Variants in CCR3 observed in about 807,000 individuals in gnomAD.
CCR3 encodes the protein C-C chemokine receptor type 3.
For missense variants in CCR3, 419 were observed against 437.5 expected (o/e 0.96, Z 0.38); for synonymous variants, 203 against 179.2 (o/e 1.13, Z -1.06).
At chr3:46,226,973 G>A (rs1323309580) in intron 2 of CCR3, among the ~76,000 whole-genome samples, 2 of 152,058 alleles carry the variant, frequency 1.3e-5, no homozygotes, top group African/African-American at 4.8e-5. Context: ...CCAGGTTCAA[G>A]CGATTCTCAT....
At chr3:46,234,474 T>C (rs1409059880) in intron 2 of CCR3, among the ~76,000 whole-genome samples, 2 of 152,282 alleles carry the variant, frequency 1.3e-5, no homozygotes, top group South Asian at 2.1e-4. Flanking sequence ...CAGAGTCCAC[T>C]TGGGCTCCAG....
At chr3:46,240,667 A>G (rs955067479), upstream of CCR3, among the ~76,000 whole-genome samples, 6 of 152,218 alleles carry the variant, frequency 3.9e-5, no homozygotes, top group African/African-American at 9.6e-5. Context: ...AGGGTCTGTC[A>G]TGACAACTAT....
At chr3:46,252,499 A>G (rs1432577000) in intron 1 of CCR3, among the ~76,000 whole-genome samples, 1 of 152,178 alleles carries the variant, frequency 6.6e-6, no homozygotes, top group East Asian at 1.9e-4. Context: ...CTTATCAGAC[A>G]GCACAGATAC....
intron 1 of CCR3, among the ~76,000 whole-genome samples, chr3:46,250,684 A>T (rs961360507): frequency 1.3e-5 from 2 of 152,070 alleles, no homozygotes; most frequent in African/African-American, 4.8e-5. Flanking sequence ...GTGTAAGTTG[A>T]GGTTTTAAGT....
intron 2 of CCR3, among the ~76,000 whole-genome samples, chr3:46,236,270 A>G (rs1389014402): frequency 6.6e-6 from 1 of 152,210 alleles, no homozygotes; most frequent in Non-Finnish European, 1.5e-5. Flanking sequence ...GGACTTGGTT[A>G]TCTCTGACCT....
At chr3:46,218,898 A>G (rs1456005107) in intron 2 of CCR3, among the ~76,000 whole-genome samples, 1 of 152,148 alleles carries the variant, frequency 6.6e-6, no homozygotes, top group Admixed American at 6.5e-5. Context: ...AGTTGAAAGC[A>G]TTTTCTCTGA....
chr3:46,219,953 C>T (rs1414865642), intron 2 of CCR3, among the ~76,000 whole-genome samples: 2 of 152,094 alleles, frequency 1.3e-5, no homozygotes, highest in Non-Finnish European at 2.9e-5. Flanking sequence ...GTCCAAGAAC[C>T]CAAAAGCAAA....
intron 1 of CCR3, among the ~76,000 whole-genome samples, chr3:46,247,618 G>A (rs1700221951): frequency 6.6e-6 from 1 of 152,154 alleles, no homozygotes; most frequent in African/African-American, 2.4e-5. Context: ...ATAAAGGCTG[G>A]TCTGTTATCA....
intron 2 of CCR3, among the ~76,000 whole-genome samples, chr3:46,231,458 C>A (rs367905387): frequency 2.0e-5 from 3 of 152,188 alleles, no homozygotes; most frequent in Non-Finnish European, 4.4e-5. Flanking sequence ...GGAAAAGGAG[C>A]GGTTAGCTTC....
chr3:46,221,573 C>T (rs1023249441), intron 2 of CCR3, among the ~76,000 whole-genome samples: 1 of 152,192 alleles, frequency 6.6e-6, no homozygotes, highest in East Asian at 1.9e-4. Context: ...GTTCAAACCA[C>T]ACGGCTCTGC....
chr3:46,246,658 G>A lies in CCR3; in HGVS notation c.-12+4120G>A, dbSNP rs191766759. Among the ~76,000 whole-genome samples, 446 of 152,218 alleles carry A rather than the reference G, an allele frequency of 2.9e-3. 8 individuals are homozygous for A. The highest frequency in any genetic ancestry group is 9.7e-3 in the African/African-American group (403 of 41,510). ...TTTTGTGATTCTTCAGTTACTTCAG[G>A]CCATCTGGGCGTATATGTGCAAGTC... On this transcript the variant is annotated intron_variant, in intron 1 of 1. Transcript: ENST00000395940.
chr3:46,221,896 C>T (rs1373874626), intron 2 of CCR3, among the ~76,000 whole-genome samples: 1 of 152,112 alleles, frequency 6.6e-6, no homozygotes, highest in Non-Finnish European at 1.5e-5. Context: ...TGGCCGCCAC[C>T]CCTCACTTAG....
At chr3:46,261,456 T>C (rs571541999) in intron 1 of CCR3, among the ~76,000 whole-genome samples, 49 of 152,354 alleles carry the variant, frequency 3.2e-4, no homozygotes, top group African/African-American at 1.0e-3. Flanking sequence ...AGGATGGTTA[T>C]TCAACACATA....
rs144652077 is a variant in CCR3, at chr3:46,265,345, A to G, written c.187A>G (p.Arg63Gly). ...GGTGGTGATGATCCTCATAAAATAC[A>G]GGAGGCTCCGAATTATGACCAACAT... ...VVVVMILIKY[R>G]RLRIMTNIYL... Residue 63 changes from arginine (R) to glycine (G), a missense_variant, in exon 2 of 2, where the codon AGG becomes GGG. Physicochemically the swap from Arg to Gly is moderately radical, Grantham distance 125. Transcript: ENST00000395940. 1 of 1,614,044 alleles carries G rather than the reference A, an allele frequency of 6.2e-7. No individual in the cohort carries two copies. Among genetic ancestry groups the G allele is most frequent in the East Asian group, 2.2e-5 (1 of 44,898 alleles).
chr3:46,243,002 T>TATACATATATATATATATATATATATAC (rs56773457), intron 1 of CCR3, among the ~76,000 whole-genome samples: 1 of 123,726 alleles, frequency 8.1e-6, no homozygotes, highest in Admixed American at 8.1e-5. Flanking sequence ...TATATATATA[T>TATACATATATATATATATATATATATAC]ACGCACACAC....
At chr3:46,259,305 G>A (rs1187529488) in intron 1 of CCR3, among the ~76,000 whole-genome samples, 1 of 152,172 alleles carries the variant, frequency 6.6e-6, no homozygotes, top group African/African-American at 2.4e-5. Context: ...AAGCACCAGA[G>A]TAAAACAATA....
Position 46,227,460 on chromosome 3 carries a change from C to G in CCR3, c.-67-14942C>G, listed in dbSNP as rs562525820. Among the ~76,000 whole-genome samples the G allele has an allele frequency of 2.0e-4, 31 of 151,786 alleles. 1 individual carries two copies. In the South Asian group the frequency reaches 6.2e-3, roughly 31 times the overall value. On this transcript the variant is annotated intron_variant, in intron 2 of 3. Transcript: ENST00000357422. ...GCTTTTTGTTTCCTTGCCTTTTTTT[C>G]TCTTGCATCCCTTGTGATGGAAGTT... is the stretch of plus-strand genomic sequence containing the variant.
chr3:46,262,175 A>G (rs1285358145), intron 1 of CCR3, among the ~76,000 whole-genome samples: 2 of 152,242 alleles, frequency 1.3e-5, no homozygotes, highest in Admixed American at 6.5e-5. Context: ...AGGATGAGTA[A>G]AACCTAAAAT....
chr3:46,253,252 C>T (rs1700352627), intron 1 of CCR3, among the ~76,000 whole-genome samples: 1 of 152,150 alleles, frequency 6.6e-6, no homozygotes. Context: ...CCTCACATGG[C>T]ACCCATTTCA....
Sources: gnomAD v4.1 joint callset for allele counts (sites outside exome capture counted in the v4.1 genomes callset) on GRCh38, gnomAD v4.1.1 for gene constraint, MANE v1.5 for transcripts, NCBI Gene and HGNC (gene_info 2026-07-23, HGNC 2026-07-21) for gene names.